The following SANBR variants were observed in gnomAD, a reference collection of about 807,000 sequenced individuals.
SANBR encodes the protein SANT and BTB domain regulator of CSR.
In SANBR, 77 loss-of-function variants were observed where a neutral mutation model predicts 101.8. The observed-to-expected ratio is 0.76, with a 90% confidence interval of 0.63 to 0.91. SANBR has a LOEUF of 0.91. SANBR is among the 40% of genes least tolerant of loss of function. The probability of loss-of-function intolerance (pLI) is 0.00; values close to 1 mark genes in which losing one functional copy is unlikely to be tolerated. For synonymous variants in SANBR, 279 were observed against 274.7 expected, an observed-to-expected ratio of 1.02 and a Z score of -0.15; for missense variants, 875 against 853.0, an observed-to-expected ratio of 1.03 and a Z score of -0.32.
At chr2:61,095,596 T>C (rs1431113220) in intron 11 of SANBR, among the ~76,000 whole-genome samples, 1 of 152,218 alleles carries the variant, frequency 6.6e-6, no homozygotes, top group Non-Finnish European at 1.5e-5. Context: ...TTTGTTTTTA[T>C]TTGAATTATT....
At chr2:61,079,749 A>T (rs1030341784) in intron 6 of SANBR, among the ~76,000 whole-genome samples, 2 of 151,976 alleles carry the variant, frequency 1.3e-5, no homozygotes, top group Admixed American at 1.3e-4. Context: ...TTAAAAATTC[A>T]AAAAAAATTA....
At chr2:61,119,143 G>C (rs1018879887) in intron 20 of SANBR, among the ~76,000 whole-genome samples, 1 of 152,106 alleles carries the variant, frequency 6.6e-6, no homozygotes, top group Non-Finnish European at 1.5e-5. Flanking sequence ...TGCTGAAAAT[G>C]GTGACAAGAA....
chr2:61,094,299 C>G (rs1682921732), intron 11 of SANBR, among the ~76,000 whole-genome samples: 1 of 152,180 alleles, frequency 6.6e-6, no homozygotes, highest in South Asian at 2.1e-4. Context: ...CCACCCTAGC[C>G]TCTGGTAACC....
chr2:61,066,957 AT>A (rs1300186222), intron 1 of SANBR, among the ~76,000 whole-genome samples: 3 of 152,282 alleles, frequency 2.0e-5, no homozygotes, highest in Admixed American at 2.0e-4. Flanking sequence ...AGATTTTGAT[AT>A]TTTATGAATG....
At chr2:61,134,290 A>T in intron 21 of SANBR, 2 of 1,544,362 alleles carry the variant, frequency 1.3e-6, no homozygotes, top group South Asian at 2.4e-5. Flanking sequence ...AGTGCTCAAA[A>T]ATGTTAGCTA....
chr2:61,134,106 T>C (rs759716228), intron 20 of SANBR: 1 of 1,612,612 alleles, frequency 6.2e-7, no homozygotes, highest in Non-Finnish European at 8.5e-7. Context: ...CCATCATGCA[T>C]AGGGTAGTGT....
At chr2:61,082,107 A>G (rs1395855342) in intron 7 of SANBR, among the ~76,000 whole-genome samples, 1 of 152,206 alleles carries the variant, frequency 6.6e-6, no homozygotes, top group East Asian at 1.9e-4. Context: ...CCTGGGCTCA[A>G]GTGATCCTCC....
intron 11 of SANBR, among the ~76,000 whole-genome samples, chr2:61,095,997 C>T (rs1683013626): frequency 6.6e-6 from 1 of 152,112 alleles, no homozygotes; most frequent in Admixed American, 6.5e-5. Context: ...TATACCACCA[C>T]CGCTCACACA....
At chr2:61,109,801 T>A (rs1683743951) in intron 16 of SANBR, among the ~76,000 whole-genome samples, 2 of 150,436 alleles carry the variant, frequency 1.3e-5, no homozygotes, top group South Asian at 4.2e-4. Context: ...CCTGAGTAGC[T>A]CGGACTACTC....
At chr2:61,122,043 C>T in intron 21 of SANBR, 83 bp from the exon 22 acceptor site, 1 of 1,508,686 alleles carries the variant, frequency 6.6e-7, no homozygotes, top group Non-Finnish European at 8.9e-7. Flanking sequence ...TTGATGTTGC[C>T]AAGCCAACAT....
chr2:61,075,316 G>A, intron 5 of SANBR: 1 of 152,168 alleles, frequency 6.6e-6, no homozygotes, highest in East Asian at 1.9e-4. Context: ...GGTGTGCAGT[G>A]ATGTTATCAC....
In SANBR at chr2:61,117,383, C is replaced by T. The variant is rs376562682; in HGVS notation, c.1863C>T (p.Phe621=). The T allele has an allele frequency of 3.1e-6, 5 of 1,613,644 alleles. No individual in the cohort carries two copies. Among genetic ancestry groups the T allele is most frequent in the East Asian group, 2.2e-5 (1 of 44,852 alleles). ...CAGCTTCTAGAGATGTGTCTCCTTT[C>T]GTGTGAGTATTGCTCCTTAATCCAA... The part of the protein sequence containing the change: ...EKSASRDVSP[F]VMSMQKNKWD... The change falls in exon 18 of 22, where the codon TTC becomes TTT. Residue 621 remains phenylalanine (F), a splice_region_variant and synonymous_variant. Transcript: ENST00000402291.
intron 10 of SANBR, among the ~76,000 whole-genome samples, chr2:61,091,834 G>A (rs1377198443): frequency 6.6e-6 from 1 of 152,024 alleles, no homozygotes; most frequent in African/African-American, 2.4e-5. Flanking sequence ...ATGGTTTTGA[G>A]GCTTTGCTAT....
At chr2:61,086,670 G>A (rs1009063634) in intron 8 of SANBR, among the ~76,000 whole-genome samples, 2 of 152,114 alleles carry the variant, frequency 1.3e-5, no homozygotes, top group African/African-American at 4.8e-5. Flanking sequence ...ACTTTTTTCC[G>A]GATGTTTTAC....
At chr2:61,119,054 G>C (rs556847594) in intron 20 of SANBR, among the ~76,000 whole-genome samples, 1 of 152,232 alleles carries the variant, frequency 6.6e-6, no homozygotes. Flanking sequence ...CTATCCAGCA[G>C]GCGACTGTCT....
chr2:61,095,978 C>T (rs944054379), intron 11 of SANBR, among the ~76,000 whole-genome samples: 1 of 152,124 alleles, frequency 6.6e-6, no homozygotes, highest in Non-Finnish European at 1.5e-5. Flanking sequence ...GTACTGCCCC[C>T]TCTTAGGATA....
downstream of SANBR, among the ~76,000 whole-genome samples, chr2:61,128,267 G>C (rs1684574214): frequency 7.1e-6 from 1 of 139,968 alleles, no homozygotes; most frequent in South Asian, 2.2e-4. Flanking sequence ...GCGAGACTCT[G>C]TCTCAAAAAA....
chr2:61,129,191 C>A (rs1184633447), downstream of SANBR, among the ~76,000 whole-genome samples: 1 of 152,074 alleles, frequency 6.6e-6, no homozygotes, highest in Non-Finnish European at 1.5e-5. Context: ...CACCTGTAAT[C>A]CCAGCACTTT....
chr2:61,081,448 T>C lies in SANBR; in HGVS notation c.671-4T>C, dbSNP rs536516589. 88 of 1,583,572 alleles carry C rather than the reference T, an allele frequency of 5.6e-5. No homozygotes were observed. Among genetic ancestry groups the C allele is most frequent in the Middle Eastern group, 3.4e-4 (2 of 5,922 alleles). On this transcript the variant is annotated splice_region_variant and splice_polypyrimidine_tract_variant and intron_variant, in intron 6 of 21. Coordinates refer to ENST00000402291, the MANE Select transcript of SANBR (RefSeq NM_001129993.3). ...AGGGTAATCTAATTTTTTTTTTTTTTTAGAGCCAGGAAATGTCATTTCAAT... is the reference window on the plus strand; with the variant it reads ...AGGGTAATCTAATTTTTTTTTTTTTCTAGAGCCAGGAAATGTCATTTCAAT...
Sources: gnomAD v4.1 joint callset for allele counts (sites outside exome capture counted in the v4.1 genomes callset) on GRCh38, gnomAD v4.1.1 for gene constraint, MANE v1.5 for transcripts, NCBI Gene and HGNC (gene_info 2026-07-23, HGNC 2026-07-21) for gene names.